Variants in JARID2 observed in about 807,000 individuals in gnomAD.
JARID2 encodes jumonji and AT-rich interaction domain containing 2.
In JARID2, 21 loss-of-function variants were observed where a neutral mutation model predicts 125.6. That is an observed-to-expected ratio of 0.17 (90% CI 0.12 to 0.24). The LOEUF is 0.24. Among genes scored for constraint, JARID2 ranks in the 10% least tolerant of loss-of-function variants. The probability of loss-of-function intolerance (pLI) is 1.00; values close to 1 mark genes in which losing one functional copy is unlikely to be tolerated. For synonymous variants in JARID2, 736 were observed against 661.6 expected, an observed-to-expected ratio of 1.11 and a Z score of -1.73; for missense variants, 1,303 against 1,639.6, an observed-to-expected ratio of 0.79 and a Z score of 3.55.
At chr6:15,493,217 G>T (rs1449321642) in intron 6 of JARID2, among the ~76,000 whole-genome samples, 1 of 152,116 alleles carries the variant, frequency 6.6e-6, no homozygotes, top group Non-Finnish European at 1.5e-5. Flanking sequence ...GGGAAGGGTA[G>T]GGTCCACGGA....
At chr6:15,285,960 TG>T (rs1467614435) in intron 1 of JARID2, among the ~76,000 whole-genome samples, 1 of 152,226 alleles carries the variant, frequency 6.6e-6, no homozygotes, top group African/African-American at 2.4e-5. Flanking sequence ...CAATTTCTGA[TG>T]TATAACTATG....
chr6:15,518,156 C>A (rs944154361), intron 17 of JARID2, among the ~76,000 whole-genome samples: 1 of 152,260 alleles, frequency 6.6e-6, no homozygotes, highest in Non-Finnish European at 1.5e-5. Context: ...AATGTCCAGG[C>A]ACAGTTGCAA....
chr6:15,278,535 G>C (rs534880448), intron 1 of JARID2, among the ~76,000 whole-genome samples: 178 of 152,042 alleles, frequency 1.2e-3, no homozygotes, highest in African/African-American at 4.2e-3. Flanking sequence ...GCAGTGAGCC[G>C]AGATCGCGCC....
intron 1 of JARID2, among the ~76,000 whole-genome samples, chr6:15,355,996 A>G (rs572018221): frequency 1.8e-4 from 28 of 151,950 alleles, no homozygotes; most frequent in Non-Finnish European, 2.6e-4. Context: ...TTTCCCAGCA[A>G]CCTCTGGCAG....
rs1035365519 is a variant in JARID2 at position 15,521,415 on chromosome 6, G to C, written c.*1164G>C. The stretch of plus-strand genomic sequence containing the variant: ...TAAATACTTGAGCCTTTTTCTCGGT[G>C]GGGGGTGGGGAGGGGGGTGAGAAGA... On this transcript the variant is annotated 3_prime_UTR_variant, in exon 18 of 18. Coordinates refer to ENST00000341776, the MANE Select transcript of JARID2 (RefSeq NM_004973.4). The C allele has an allele frequency of 2.0e-5, 3 of 151,576 alleles. No individual in the cohort carries two copies. Among genetic ancestry groups the C allele is most frequent in the African/African-American group, 7.3e-5 (3 of 41,242 alleles). 9.4% of individuals were successfully genotyped at this position (151,576 alleles called of 1,614,324 possible). A position where few individuals can be genotyped will look rare whatever the true frequency, so the allele number is the denominator to read the frequency against.
chr6:15,473,584 G>A (rs1415405511), intron 5 of JARID2, among the ~76,000 whole-genome samples: 1 of 145,042 alleles, frequency 6.9e-6, no homozygotes, highest in Non-Finnish European at 1.5e-5. Context: ...CTTAAGAGGG[G>A]GGTGGTGTGA....
Position 15,246,242 on chromosome 6 carries a change from G to GTT in JARID2, c.-290_-289dup, listed in dbSNP as rs917051139. ...AAAGGGGGGGGAGTGAAGGGCGTCG[G>GTT]TTTTTTTTTGTGTGTGTGTGTATGT... On this transcript the variant is annotated 5_prime_UTR_variant, in exon 1 of 18. Transcript: ENST00000341776. The GTT allele has an allele frequency of 3.7e-5, 17 of 456,614 alleles. No homozygotes were observed. The highest frequency in any genetic ancestry group is 2.3e-5 in the Non-Finnish European group (6 of 260,912). 28.3% of individuals were successfully genotyped at this position (456,614 alleles called of 1,614,324 possible). A position where few individuals can be genotyped will look rare whatever the true frequency, so the allele number is the denominator to read the frequency against.
chr6:15,284,021 TTA>T (rs1228053988), intron 1 of JARID2, among the ~76,000 whole-genome samples: 5 of 152,132 alleles, frequency 3.3e-5, no homozygotes, highest in African/African-American at 9.7e-5. Context: ...TTAAGTATGT[TTA>T]TAGTGTTTTT....
intron 1 of JARID2, among the ~76,000 whole-genome samples, chr6:15,367,494 C>T (rs981104554): frequency 6.6e-6 from 1 of 152,042 alleles, no homozygotes; most frequent in Non-Finnish European, 1.5e-5. Flanking sequence ...TTTAATTTTG[C>T]TTTTACCTAG....
Position 15,282,751 on chromosome 6 carries a change from G to A in JARID2, c.45+36167G>A, listed in dbSNP as rs542653994. ...CAAGTAGCTGAGATTACAGGCATGC[G>A]CCACCATGCTCAGCTAATTTTGTAT... On this transcript the variant is annotated intron_variant, in intron 1 of 17. Coordinates refer to ENST00000341776, the MANE Select transcript of JARID2 (RefSeq NM_004973.4). 2.0e-5 allele frequency among the ~76,000 whole-genome samples: 3 copies of A among 152,018 alleles called. 1 individual carries two copies. The highest frequency in any genetic ancestry group is 4.2e-4 in the South Asian group (2 of 4,808).
intron 3 of JARID2, among the ~76,000 whole-genome samples, chr6:15,449,211 T>C (rs974674141): frequency 1.3e-5 from 2 of 152,156 alleles, no homozygotes; most frequent in Non-Finnish European, 2.9e-5. Flanking sequence ...CCCCATGACA[T>C]AGAGATAGTG....
chr6:15,247,827 A>C (rs2127280861), intron 1 of JARID2: 1 of 985,474 alleles, frequency 1.0e-6, no homozygotes, highest in East Asian at 1.1e-4. Context: ...TGTTCCATAA[A>C]GAATTTAAGA....
intron 2 of JARID2, among the ~76,000 whole-genome samples, chr6:15,404,312 C>G (rs983385806): frequency 6.6e-6 from 1 of 152,200 alleles, no homozygotes; most frequent in Non-Finnish European, 1.5e-5. Flanking sequence ...CCATGCCAAG[C>G]AGGCCCAAAG....
At chr6:15,473,783 T>G (rs1377319887) in intron 5 of JARID2, among the ~76,000 whole-genome samples, 2 of 152,178 alleles carry the variant, frequency 1.3e-5, no homozygotes, top group Non-Finnish European at 2.9e-5. Flanking sequence ...CCACATGGCT[T>G]GAATGGCCTT....
intron 1 of JARID2, among the ~76,000 whole-genome samples, chr6:15,284,105 A>T (rs2127383425): frequency 6.6e-6 from 1 of 152,290 alleles, no homozygotes; most frequent in East Asian, 1.9e-4. Flanking sequence ...GTCTTTGCTT[A>T]GGAATGCTTC....
chr6:15,501,759 C>T (rs1581653730), intron 8 of JARID2, among the ~76,000 whole-genome samples: 1 of 152,276 alleles, frequency 6.6e-6, no homozygotes, highest in Non-Finnish European at 1.5e-5. Context: ...GTCCATTCCG[C>T]CTGCCTAGGG....
intron 5 of JARID2, among the ~76,000 whole-genome samples, chr6:15,486,805 A>ATTTT (rs766075740): frequency 1.7e-4 from 7 of 40,634 alleles, no homozygotes; most frequent in Admixed American, 2.2e-4. Flanking sequence ...CTGAGAATAG[A>ATTTT]CTTTTTTTTT....
intron 1 of JARID2, among the ~76,000 whole-genome samples, chr6:15,343,372 G>T (rs1581434939): frequency 6.6e-6 from 1 of 151,396 alleles, no homozygotes; most frequent in African/African-American, 2.4e-5. Context: ...ATTCCAGATG[G>T]AAGAGTGTCA....
Position 15,246,258 on chromosome 6 carries a change from G to T in JARID2, c.-282G>T. ...AGGGCGTCGGTTTTTTTTTGTGTGT[G>T]TGTGTATGTGTTTCGGGGGAAATTT... On this transcript the variant is annotated 5_prime_UTR_variant, in exon 1 of 18. Transcript: ENST00000341776. 1.9e-6 allele frequency: 1 copy of T among 524,110 alleles called. No homozygotes were observed. Among genetic ancestry groups the T allele is most frequent in the Non-Finnish European group, 3.3e-6 (1 of 300,052 alleles). 32.5% of individuals were successfully genotyped at this position (524,110 alleles called of 1,614,324 possible).
Sources: allele counts gnomAD v4.1 joint callset (sites outside exome capture counted in the v4.1 genomes callset), GRCh38; gene constraint gnomAD v4.1.1; transcripts MANE v1.5; gene names NCBI Gene and HGNC (gene_info 2026-07-23, HGNC 2026-07-21).